Variants in DHRSX observed in about 807,000 individuals in gnomAD.
The protein encoded by DHRSX is polyprenol dehydrogenase.
In DHRSX, 31 loss-of-function variants were observed where a neutral mutation model predicts 34.0. The observed-to-expected ratio is 0.91, with a 90% confidence interval of 0.69 to 1.23. The LOEUF (loss-of-function observed/expected upper bound fraction) is 1.23. Among genes scored for constraint, DHRSX ranks in the 50% most tolerant of loss-of-function variants. DHRSX has a pLI of 0.00. For missense variants in DHRSX, 414 were observed against 428.1 expected (o/e 0.97, Z 0.29); for synonymous variants, 201 against 183.8 (o/e 1.09, Z -0.76).
At chrX:2,349,845 T>C (rs961358702) in intron 3 of DHRSX, among the ~76,000 whole-genome samples, 53 of 147,264 alleles carry the variant, frequency 3.6e-4, no homozygotes, top group African/African-American at 1.1e-3. Context: ...GAGACCATCC[T>C]GGCTAACAGG....
At chrX:2,324,033 G>A (rs2042345176) in intron 3 of DHRSX, among the ~76,000 whole-genome samples, 1 of 147,488 alleles carries the variant, frequency 6.8e-6, no homozygotes, top group Admixed American at 6.9e-5. Flanking sequence ...CTCCAGCCTG[G>A]GTAACAGATG....
intron 3 of DHRSX, among the ~76,000 whole-genome samples, chrX:2,381,881 T>G (rs952030514): frequency 6.1e-5 from 9 of 148,252 alleles, no homozygotes; most frequent in African/African-American, 2.2e-4. Flanking sequence ...GACAGGTGCA[T>G]GATTATTTTA....
At chrX:2,381,436 A>G (rs1284752174) in intron 3 of DHRSX, among the ~76,000 whole-genome samples, 1 of 152,026 alleles carries the variant, frequency 6.6e-6, no homozygotes, top group Non-Finnish European at 1.5e-5. Context: ...GAGCCTGACC[A>G]ACAGGGAGAA....
chrX:2,377,671 C>T (rs1164845802), intron 3 of DHRSX, among the ~76,000 whole-genome samples: 3 of 151,868 alleles, frequency 2.0e-5, no homozygotes, highest in Non-Finnish European at 4.4e-5. Context: ...CCAGAGCCTC[C>T]GCAAGGGGCA....
At chrX:2,499,469 G>A (rs1161031380) in intron 1 of DHRSX, among the ~76,000 whole-genome samples, 1 of 152,124 alleles carries the variant, frequency 6.6e-6, no homozygotes, top group Non-Finnish European at 1.5e-5. Context: ...CAGGTTTCTA[G>A]GTTTAAATTG....
intron 1 of DHRSX, among the ~76,000 whole-genome samples, chrX:2,485,432 G>A (rs890784061): frequency 2.1e-4 from 31 of 149,758 alleles, no homozygotes; most frequent in African/African-American, 4.0e-4. Flanking sequence ...TGCACATCCC[G>A]GCCTTCCTGT....
At chrX:2,399,737 A>C (rs995819665) in intron 3 of DHRSX, among the ~76,000 whole-genome samples, 15 of 143,818 alleles carry the variant, frequency 1.0e-4, no homozygotes, top group Non-Finnish European at 2.1e-4. Context: ...AAAAAAAAAA[A>C]AAAAACAAAA....
At chrX:2,328,378 G>C (rs369194413) in intron 3 of DHRSX, among the ~76,000 whole-genome samples, 4 of 152,102 alleles carry the variant, frequency 2.6e-5, no homozygotes, top group African/African-American at 9.6e-5. Flanking sequence ...TGAGGACACA[G>C]GGAGAAGATG....
intron 1 of DHRSX, among the ~76,000 whole-genome samples, chrX:2,473,039 C>T (rs2044617821): frequency 6.6e-6 from 1 of 152,102 alleles, no homozygotes; most frequent in African/African-American, 2.4e-5. Context: ...TTACTGTCCA[C>T]TGCAAAGCTC....
At chrX:2,322,503 C>A (rs1474664555) in intron 3 of DHRSX, among the ~76,000 whole-genome samples, 2 of 148,888 alleles carry the variant, frequency 1.3e-5, no homozygotes, top group African/African-American at 2.5e-5. Flanking sequence ...GAGCAGAGAT[C>A]ACACCACTGA....
intron 2 of DHRSX, 66 bp from the exon 3 acceptor site, chrX:2,408,879 A>AG: frequency 1.5e-6 from 2 of 1,319,260 alleles, no homozygotes; most frequent in Non-Finnish European, 2.1e-6. Flanking sequence ...TTAACTGCAA[A>AG]AAAAAAAAGA....
intron 3 of DHRSX, among the ~76,000 whole-genome samples, chrX:2,304,336 AAC>A (rs1569485959): frequency 1.1e-5 from 1 of 89,848 alleles, no homozygotes; most frequent in Non-Finnish European, 2.7e-5. Context: ...TGGATGGATG[AAC>A]TGATGGATGG....
At chrX:2,411,934 C>G (rs1603064399) in intron 2 of DHRSX, among the ~76,000 whole-genome samples, 2 of 152,272 alleles carry the variant, frequency 1.3e-5, no homozygotes, top group East Asian at 1.9e-4. Context: ...ACCGTCAACG[C>G]TGGCATAGGA....
chrX:2,414,038 A>T (rs2043663665), intron 2 of DHRSX, among the ~76,000 whole-genome samples: 1 of 152,064 alleles, frequency 6.6e-6, no homozygotes, highest in African/African-American at 2.4e-5. Flanking sequence ...ACTAGACCTC[A>T]TCATGACCTA....
chrX:2,284,300 T>TTGAATTCATTTGCATTCATTCATTCCTC (rs1253522053), intron 4 of DHRSX, among the ~76,000 whole-genome samples: 1 of 151,982 alleles, frequency 6.6e-6, no homozygotes, highest in Non-Finnish European at 1.5e-5. Flanking sequence ...GTTCATTCCT[T>TTGAATTCATTTGCATTCATTCATTCCTC]TGAATTCATT....
chrX:2,370,319 C>A (rs1052918250), intron 3 of DHRSX, among the ~76,000 whole-genome samples: 6 of 151,924 alleles, frequency 3.9e-5, no homozygotes, highest in Non-Finnish European at 7.4e-5. Context: ...TTACAGGCAC[C>A]CGCCACCATG....
intron 3 of DHRSX, among the ~76,000 whole-genome samples, chrX:2,366,682 C>A (rs1467944918): frequency 1.3e-5 from 2 of 152,104 alleles, no homozygotes; most frequent in Non-Finnish European, 2.9e-5. Flanking sequence ...ACTGCAGCCT[C>A]CACCTCCTGG....
chrX:2,228,458 G>GAGGA (rs1429915496), intron 6 of DHRSX, among the ~76,000 whole-genome samples: 1 of 46,084 alleles, frequency 2.2e-5, no homozygotes, highest in Non-Finnish European at 3.7e-5. Flanking sequence ...GGAAGGGAGG[G>GAGGA]AGGGAGGGAG....
At chrX:2,468,909 C>G (rs1352757459) in intron 1 of DHRSX, among the ~76,000 whole-genome samples, 1 of 148,334 alleles carries the variant, frequency 6.7e-6, no homozygotes, top group African/African-American at 2.5e-5. Context: ...GCCAAGTGAC[C>G]GCTGCCGTTG....
Sources: allele counts gnomAD v4.1 joint callset (sites outside exome capture counted in the v4.1 genomes callset), GRCh38; gene constraint gnomAD v4.1.1; transcripts MANE v1.5; gene names NCBI Gene and HGNC (gene_info 2026-07-23, HGNC 2026-07-21).